Variants in ROR2 observed in about 807,000 individuals in gnomAD.
The protein encoded by ROR2 is ROR family WNT receptor 2, also known as tyrosine-protein kinase transmembrane receptor ROR2.
ROR2 carries 33 observed loss-of-function variants against 74.9 expected under a neutral mutation model. That is an observed-to-expected ratio of 0.44 (90% CI 0.33 to 0.59). ROR2 has a LOEUF of 0.59. Ranked by LOEUF, ROR2 falls within the 20% of genes least tolerant of loss-of-function variation. ROR2 has a pLI of 0.02. For missense variants in ROR2, 1,216 were observed against 1,313.8 expected, an observed-to-expected ratio of 0.93 and a Z score of 1.15; for synonymous variants, 586 against 558.7, an observed-to-expected ratio of 1.05 and a Z score of -0.69.
chr9:91,909,648 G>A (rs999449810), intron 1 of ROR2, among the ~76,000 whole-genome samples: 3 of 148,424 alleles, frequency 2.0e-5, no homozygotes, highest in African/African-American at 5.0e-5. Context: ...CACCACACTC[G>A]GCCCCAGGCT....
chr9:91,930,522 A>G (rs1679502357), intron 1 of ROR2, among the ~76,000 whole-genome samples: 1 of 152,220 alleles, frequency 6.6e-6, no homozygotes, highest in African/African-American at 2.4e-5. Flanking sequence ...AAACACAAGC[A>G]GCACTCTTCT....
chr9:91,745,130 T>G (rs1825366650), intron 4 of ROR2, among the ~76,000 whole-genome samples: 1 of 151,302 alleles, frequency 6.6e-6, no homozygotes, highest in South Asian at 2.1e-4. Context: ...TTATATTATA[T>G]ATATATATTT....
chr9:91,776,017 T>A (rs1188368170), intron 1 of ROR2, among the ~76,000 whole-genome samples, 199 bp from the exon 2 acceptor site: 2 of 152,198 alleles, frequency 1.3e-5, no homozygotes, highest in Non-Finnish European at 2.9e-5. Flanking sequence ...AAAGTGATTT[T>A]GAAGCTTATC....
intron 4 of ROR2, among the ~76,000 whole-genome samples, chr9:91,742,933 A>G (rs1416983619): frequency 6.6e-6 from 1 of 152,200 alleles, no homozygotes. Flanking sequence ...ATATACAAAT[A>G]CCATTACGTT....
chr9:91,837,517 G>A (rs1828645834), intron 1 of ROR2, among the ~76,000 whole-genome samples: 1 of 152,238 alleles, frequency 6.6e-6, no homozygotes. Context: ...GAGAAGCCTT[G>A]CCATATTAAA....
Position 91,757,380 on chromosome 9 carries a change from G to C in ROR2, c.355C>G (p.Arg119Gly). ...IIIRKTEYGS[R>G]LRIQDLDTTD... Reference sequence around the variant, plus strand: ...GTGTCCAGGTCCTGGATTCGCAGTCGTGAACCATATTCTGTCTTCCGGATG... The same window carrying C: ...GTGTCCAGGTCCTGGATTCGCAGTCCTGAACCATATTCTGTCTTCCGGATG... Residue 119 changes from arginine to glycine, a missense_variant, in exon 3 of 9, where the codon CGA (arginine) becomes GGA (glycine). Physicochemically the swap from Arg to Gly is moderately radical, Grantham distance 125 (BLOSUM62 -2). Transcript: ENST00000375708. The C allele has an allele frequency of 6.2e-7, 1 of 1,613,902 alleles. No individual in the cohort carries two copies.
At chr9:91,813,397 G>T (rs2119112704) in intron 1 of ROR2, among the ~76,000 whole-genome samples, 1 of 152,246 alleles carries the variant, frequency 6.6e-6, no homozygotes, top group South Asian at 2.1e-4. Context: ...ATTTACACTG[G>T]TTGTTTAAAC....
intron 4 of ROR2, among the ~76,000 whole-genome samples, chr9:91,755,156 G>A (rs565139916): frequency 1.4e-5 from 2 of 144,600 alleles, no homozygotes; most frequent in African/African-American, 2.7e-5. Flanking sequence ...CTGTCTATTT[G>A]GGGGGGGAAA....
rs1221301580 is a variant in ROR2, at chr9:91,781,528, GAAGT to G, written c.98-5714_98-5711del. On this transcript the variant is annotated intron_variant, in intron 1 of 8. Transcript: ENST00000375708. ...TATTAGTCTGGGACCTGGGTCAGGA[GAAGT>G]ATGTCAATAGCAAAGAGCCTTGAGA... 6.6e-5 allele frequency among the ~76,000 whole-genome samples: 10 copies of G among 152,360 alleles called. No homozygotes were observed. In the East Asian group the frequency reaches 1.9e-3, roughly 29 times the overall value.
chr9:91,860,087 G>C (rs1188857556), intron 1 of ROR2, among the ~76,000 whole-genome samples: 1 of 152,200 alleles, frequency 6.6e-6, no homozygotes, highest in Non-Finnish European at 1.5e-5. Flanking sequence ...GTCTGAGGAA[G>C]GCACAGGGAG....
chr9:91,737,883 CTACA>C (rs1825091601), intron 4 of ROR2, among the ~76,000 whole-genome samples: 1 of 152,116 alleles, frequency 6.6e-6, no homozygotes, highest in Non-Finnish European at 1.5e-5. Context: ...AATCTGAAGG[CTACA>C]TACATACTGT....
At chr9:91,833,935 T>G (rs1828541719) in intron 1 of ROR2, among the ~76,000 whole-genome samples, 1 of 152,144 alleles carries the variant, frequency 6.6e-6, no homozygotes, top group African/African-American at 2.4e-5. Flanking sequence ...TTTCTCTTTG[T>G]GTTCTCTCCC....
intron 1 of ROR2, among the ~76,000 whole-genome samples, chr9:91,837,810 T>G (rs1438032582): frequency 6.6e-6 from 1 of 152,226 alleles, no homozygotes; most frequent in Non-Finnish European, 1.5e-5. Flanking sequence ...TTAATCACTG[T>G]TGTAGGTTTT....
chr9:91,819,701 AGT>A (rs1244401553), intron 1 of ROR2, among the ~76,000 whole-genome samples: 1 of 56,500 alleles, frequency 1.8e-5, no homozygotes, highest in Non-Finnish European at 3.8e-5. Context: ...TGTGTTTTTC[AGT>A]GTGTTCTGTG....
At chr9:91,828,740 T>C (rs1822743707) in intron 1 of ROR2, among the ~76,000 whole-genome samples, 2 of 152,218 alleles carry the variant, frequency 1.3e-5, no homozygotes, top group Middle Eastern at 3.4e-3. Context: ...AAAGCACATA[T>C]TCTCTTAAAA....
intron 1 of ROR2, among the ~76,000 whole-genome samples, chr9:91,803,423 T>C (rs1473621752): frequency 6.6e-6 from 1 of 152,240 alleles, no homozygotes; most frequent in Non-Finnish European, 1.5e-5. Context: ...AGTTGTTTAA[T>C]GTTTCTGCTA....
At chr9:91,752,686 G>C (rs1825628776) in intron 4 of ROR2, among the ~76,000 whole-genome samples, 1 of 152,210 alleles carries the variant, frequency 6.6e-6, no homozygotes, top group Non-Finnish European at 1.5e-5. Context: ...AGACCTTATA[G>C]TGCTATACTT....
chr9:91,839,251 G>GTGT (rs1828705225), intron 1 of ROR2, among the ~76,000 whole-genome samples: 18 of 107,700 alleles, frequency 1.7e-4, no homozygotes, highest in East Asian at 3.2e-4. Flanking sequence ...TCAGATCGGG[G>GTGT]GTGTGTGTGT....
chr9:91,927,955 C>T (rs1348458528), intron 1 of ROR2, among the ~76,000 whole-genome samples: 1 of 152,140 alleles, frequency 6.6e-6, no homozygotes, highest in Non-Finnish European at 1.5e-5. Flanking sequence ...GATGCTCCTG[C>T]ATTTGTGGCC....
Sources: allele counts gnomAD v4.1 joint callset (sites outside exome capture counted in the v4.1 genomes callset), GRCh38; gene constraint gnomAD v4.1.1; transcripts MANE v1.5; gene names NCBI Gene and HGNC (gene_info 2026-07-23, HGNC 2026-07-21).